WDR27: variants seen among roughly 807,000 people sequenced by gnomAD.
WDR27 encodes the protein WD repeat-containing protein 27.
Under a neutral mutation model 114.4 loss-of-function variants are expected in WDR27, and 100 were observed. That is an observed-to-expected ratio of 0.87 (90% CI 0.74 to 1.03). The LOEUF (loss-of-function observed/expected upper bound fraction) is 1.03, where lower values mean the gene tolerates loss of function less well. WDR27 is among the 50% of genes least tolerant of loss of function. The pLI is 0.00. For missense variants in WDR27, 1,129 were observed against 1,092.9 expected (o/e 1.03, Z -0.47); for synonymous variants, 449 against 423.1 (o/e 1.06, Z -0.75).
intron 25 of WDR27, among the ~76,000 whole-genome samples, chr6:169,562,792 G>A (rs577063598): frequency 6.6e-6 from 1 of 152,334 alleles, no homozygotes; most frequent in Non-Finnish European, 1.5e-5. Context: ...ATCTGCAGAA[G>A]TGAAATAAGG....
chr6:169,531,240 CA>C (rs1161168914), intron 25 of WDR27, among the ~76,000 whole-genome samples: 2 of 152,268 alleles, frequency 1.3e-5, no homozygotes, highest in East Asian at 1.9e-4. Context: ...AGTTAGGAAG[CA>C]AGGAAGTTTT....
chr6:169,613,526 A>C, intron 22 of WDR27, 33 bp downstream of exon 22: 1 of 1,526,560 alleles, frequency 6.6e-7, no homozygotes, highest in Non-Finnish European at 9.1e-7. Context: ...TGAGCTCCCC[A>C]CCCCTGCAGT....
chr6:169,621,639 C>A (rs1475617223), intron 21 of WDR27, among the ~76,000 whole-genome samples: 2 of 151,624 alleles, frequency 1.3e-5, no homozygotes, highest in Non-Finnish European at 2.9e-5. Flanking sequence ...CCCACACATG[C>A]ATATACATAC....
At chr6:169,432,929 T>C in the WDR27 span, among the ~76,000 whole-genome samples, 114 of 152,172 alleles carry the variant, frequency 7.5e-4, no homozygotes, top group Non-Finnish European at 1.5e-3. Flanking sequence ...TGAGGGAAAA[T>C]TTGGAACTTC....
chr6:169,643,815 C>T, intron 16 of WDR27, 29 bp from the exon 17 acceptor site: 1 of 1,580,414 alleles, frequency 6.3e-7, no homozygotes, highest in Non-Finnish European at 8.6e-7. Context: ...AAAAAGACTT[C>T]TTAGAAAAGC....
At chr6:169,500,771 ATTC>A (rs1257938680) in intron 25 of WDR27, among the ~76,000 whole-genome samples, 2 of 152,206 alleles carry the variant, frequency 1.3e-5, no homozygotes, top group African/African-American at 4.8e-5. Context: ...AGTTAGTGCT[ATTC>A]TTCTACTCAC....
intron 25 of WDR27, chr6:169,559,864 T>A (rs1799446339): frequency 6.6e-6 from 1 of 152,222 alleles, no homozygotes; most frequent in Admixed American, 6.5e-5. Context: ...GCCTTGCGTG[T>A]CCACTTACCC....
intron 25 of WDR27, among the ~76,000 whole-genome samples, chr6:169,484,890 G>A (rs954183817): frequency 1.3e-5 from 2 of 152,064 alleles, no homozygotes; most frequent in Admixed American, 1.3e-4. Flanking sequence ...TCTGATCTTT[G>A]ACAAACCTGA....
chr6:169,546,538 G>A (rs1426028785), intron 25 of WDR27, among the ~76,000 whole-genome samples: 3 of 152,244 alleles, frequency 2.0e-5, no homozygotes, highest in Non-Finnish European at 2.9e-5. Flanking sequence ...TTGCCTGGCC[G>A]CAGATTCTAA....
downstream of WDR27, among the ~76,000 whole-genome samples, chr6:169,455,495 A>C (rs1323879953): frequency 3.3e-5 from 5 of 152,348 alleles, no homozygotes; most frequent in Admixed American, 3.3e-4. Flanking sequence ...TTATGGATAG[A>C]ATAGTACAGA....
the WDR27 span, among the ~76,000 whole-genome samples, chr6:169,427,531 G>T: frequency 6.6e-6 from 1 of 152,174 alleles, no homozygotes; most frequent in Admixed American, 6.5e-5. Flanking sequence ...CCAGGAGAGA[G>T]GGCTGGGAAG....
At chr6:169,662,630 T>A (rs996738916) in intron 8 of WDR27, among the ~76,000 whole-genome samples, 13 of 128,096 alleles carry the variant, frequency 1.0e-4, no homozygotes, top group Admixed American at 1.7e-4. Context: ...AGGAAAGCAC[T>A]AAGGTAACAC....
At chr6:169,628,912 C>T (rs761634719) in intron 21 of WDR27, among the ~76,000 whole-genome samples, 1 of 152,206 alleles carries the variant, frequency 6.6e-6, no homozygotes, top group African/African-American at 2.4e-5. Flanking sequence ...TTTTCTAAAG[C>T]AGTACCCATC....
At chr6:169,503,850 A>G (rs1020114338) in intron 25 of WDR27, among the ~76,000 whole-genome samples, 7 of 151,914 alleles carry the variant, frequency 4.6e-5, no homozygotes, top group African/African-American at 1.7e-4. Flanking sequence ...AAAACACAGG[A>G]GTAAAAGCTA....
At position 169,659,609 on chromosome 6, in the gene WDR27, C is replaced by A. The variant is rs1825399686; in HGVS notation, c.1130-91G>T. On this transcript the variant is annotated intron_variant, in intron 10 of 25. Transcript: ENST00000448612. This position sits in a 1 kb window ranked among gnomAD's most constrained non-coding sequence, Gnocchi z 4.3. The stretch of plus-strand genomic sequence containing the variant: ...CTGCCCAGAGCCCACCACACACAGC[C>A]CAGAGCCCACCACACACAGTCCAGG... 1.7e-6 allele frequency: 2 copies of A among 1,203,298 alleles called. No homozygotes were observed. Among genetic ancestry groups the A allele is most frequent in the Non-Finnish European group, 2.4e-6 (2 of 838,588 alleles). The allele number at this position is 1,203,298 out of a possible 1,614,324, so 74.5% of individuals were successfully genotyped here. A position where few individuals can be genotyped will look rare whatever the true frequency, so the allele number is the denominator to read the frequency against.
chr6:169,666,020 T>C (rs1243895258), intron 6 of WDR27, among the ~76,000 whole-genome samples: 2 of 152,226 alleles, frequency 1.3e-5, no homozygotes, highest in Non-Finnish European at 2.9e-5. Context: ...GGATGTCTTG[T>C]TTCCTTAAAA....
At chr6:169,655,556 TAAGA>T (rs996409993) in intron 13 of WDR27, among the ~76,000 whole-genome samples, 5 of 152,114 alleles carry the variant, frequency 3.3e-5, no homozygotes, top group Admixed American at 2.6e-4. Context: ...AGAACGCACT[TAAGA>T]AAGAATATTA....
chr6:169,608,787 C>G (rs1015284707), intron 22 of WDR27, among the ~76,000 whole-genome samples: 1 of 152,336 alleles, frequency 6.6e-6, no homozygotes, highest in South Asian at 2.1e-4. Context: ...AAAGTCTTAA[C>G]TCATTTCAGC....
chr6:169,450,615 A>C, the WDR27 span, among the ~76,000 whole-genome samples: 1 of 152,118 alleles, frequency 6.6e-6, no homozygotes, highest in Non-Finnish European at 1.5e-5. Context: ...CCATCACCCC[A>C]CAGAACGTCT....
Sources: gnomAD v4.1 joint callset for allele counts (sites outside exome capture counted in the v4.1 genomes callset) on GRCh38, gnomAD v4.1.1 for gene constraint, Gnocchi (gnomAD v3.1) non-coding constraint, MANE v1.5 for transcripts, NCBI Gene and HGNC (gene_info 2026-07-23, HGNC 2026-07-21) for gene names.